ICA1: variants seen among roughly 807,000 people sequenced by gnomAD.
ICA1 encodes 69 kDa islet cell autoantigen.
A neutral mutation model predicts 71.0 loss-of-function variants in ICA1; 40 were observed. The observed-to-expected ratio is 0.56, with a 90% CI of 0.44 to 0.73. The LOEUF is 0.73. ICA1 is among the 30% of genes least tolerant of loss of function. The probability of loss-of-function intolerance (pLI) is 0.00; values close to 1 mark genes in which losing one functional copy is unlikely to be tolerated. For synonymous variants in ICA1, 207 were observed against 209.5 expected, an observed-to-expected ratio of 0.99 and a Z score of 0.10; for missense variants, 578 against 576.5, an observed-to-expected ratio of 1.00 and a Z score of -0.03.
At chr7:8,136,197 C>G (rs879352491) in intron 12 of ICA1, among the ~76,000 whole-genome samples, 1 of 152,072 alleles carries the variant, frequency 6.6e-6, no homozygotes, top group African/African-American at 2.4e-5. Flanking sequence ...GCTGTTGTCA[C>G]GAGCGGTCTG....
intron 13 of ICA1, among the ~76,000 whole-genome samples, chr7:8,120,465 A>C (rs894819661): frequency 6.6e-6 from 1 of 152,196 alleles, no homozygotes; most frequent in African/African-American, 2.4e-5. Context: ...TCAGGAAAAA[A>C]TGCTATGTAA....
At chr7:8,261,604 A>G (rs1022870975) in intron 1 of ICA1, among the ~76,000 whole-genome samples, 15 of 152,176 alleles carry the variant, frequency 9.9e-5, no homozygotes, top group African/African-American at 3.6e-4. Flanking sequence ...TGCCAAAAAA[A>G]GGGCCACGGA....
chr7:8,239,698 A>G (rs371939435), intron 1 of ICA1, among the ~76,000 whole-genome samples: 23 of 152,330 alleles, frequency 1.5e-4, no homozygotes, highest in African/African-American at 5.5e-4. Context: ...CCGCCCAAAT[A>G]CTGCACTTTT....
At chr7:8,138,440 T>C (rs1794132782) in intron 12 of ICA1, among the ~76,000 whole-genome samples, 1 of 152,238 alleles carries the variant, frequency 6.6e-6, no homozygotes, top group Admixed American at 6.5e-5. Flanking sequence ...AGGCCGTTGC[T>C]ATTGTTTCCA....
intron 8 of ICA1, among the ~76,000 whole-genome samples, chr7:8,152,665 C>CCATCTCCTTCAA: frequency 6.7e-6 from 1 of 148,492 alleles, no homozygotes; most frequent in South Asian, 2.2e-4. Context: ...ACCACCACCA[C>CCATCTCCTTCAA]CACCATTATC....
At chr7:8,129,312 T>A (rs567072148) in intron 12 of ICA1, among the ~76,000 whole-genome samples, 3 of 152,246 alleles carry the variant, frequency 2.0e-5, no homozygotes, top group Admixed American at 6.5e-5. Context: ...TATGGTCATA[T>A]TAAATGAGAT....
intron 6 of ICA1, among the ~76,000 whole-genome samples, chr7:8,162,016 A>G (rs2128208042): frequency 6.6e-6 from 1 of 152,336 alleles, no homozygotes; most frequent in Middle Eastern, 3.4e-3. Flanking sequence ...AATATAAGGT[A>G]TTCGTAAGGC....
intron 6 of ICA1, among the ~76,000 whole-genome samples, chr7:8,185,105 T>C (rs191822785): frequency 1.1e-4 from 17 of 148,334 alleles, no homozygotes; most frequent in Admixed American, 8.7e-4. Context: ...AAAAAGGAAA[T>C]GAGAGATAAA....
intron 6 of ICA1, among the ~76,000 whole-genome samples, chr7:8,200,449 A>T (rs1205316649): frequency 5.3e-5 from 8 of 151,106 alleles, no homozygotes; most frequent in African/African-American, 1.9e-4. Context: ...TTTATGCCAG[A>T]TTAAAGAAGT....
At chr7:8,258,771 TATAATACTAA>T (rs1811180195) in intron 1 of ICA1, among the ~76,000 whole-genome samples, 1 of 152,238 alleles carries the variant, frequency 6.6e-6, no homozygotes, top group Admixed American at 6.5e-5. Flanking sequence ...AATTTGATGC[TATAATACTAA>T]ATAGTAAATT....
At chr7:8,201,394 A>G (rs1032625063) in intron 6 of ICA1, among the ~76,000 whole-genome samples, 19 of 152,172 alleles carry the variant, frequency 1.2e-4, no homozygotes, top group African/African-American at 4.1e-4. Flanking sequence ...AAGAGAAAGG[A>G]AGGGACAAAT....
chr7:8,244,805 A>G (rs936456484), intron 1 of ICA1, among the ~76,000 whole-genome samples: 1 of 152,254 alleles, frequency 6.6e-6, no homozygotes, highest in Non-Finnish European at 1.5e-5. Flanking sequence ...GACACATGAA[A>G]AAATGCTCAT....
At chr7:8,208,691 T>G (rs993184749) in intron 6 of ICA1, among the ~76,000 whole-genome samples, 1 of 152,200 alleles carries the variant, frequency 6.6e-6, no homozygotes, top group African/African-American at 2.4e-5. Context: ...TAAATCATAC[T>G]ACCTGAACAT....
intron 6 of ICA1, among the ~76,000 whole-genome samples, chr7:8,189,969 A>G (rs190626962): frequency 3.2e-4 from 49 of 152,322 alleles, no homozygotes; most frequent in African/African-American, 1.1e-3. Flanking sequence ...TTTATTCGTA[A>G]TGAAGTAAGC....
At chr7:8,152,963 C>A (rs1800108769) in intron 8 of ICA1, among the ~76,000 whole-genome samples, 1 of 152,174 alleles carries the variant, frequency 6.6e-6, no homozygotes, top group African/African-American at 2.4e-5. Flanking sequence ...CTACCATCAT[C>A]TCCTCCATCA....
intron 1 of ICA1, among the ~76,000 whole-genome samples, chr7:8,257,134 C>A (rs1391932754): frequency 6.6e-6 from 1 of 152,158 alleles, no homozygotes. Flanking sequence ...CTGGGTTAGG[C>A]CCAAATCCAC....
At chr7:8,192,106 A>C (rs1159510381) in intron 6 of ICA1, among the ~76,000 whole-genome samples, 1 of 152,228 alleles carries the variant, frequency 6.6e-6, no homozygotes, top group Non-Finnish European at 1.5e-5. Flanking sequence ...ACTCTCTTAC[A>C]TAACCACAGT....
intron 1 of ICA1, among the ~76,000 whole-genome samples, chr7:8,240,048 T>C (rs1803245013): frequency 6.6e-6 from 1 of 152,130 alleles, no homozygotes; most frequent in Admixed American, 6.5e-5. Context: ...AGAGCAGTGG[T>C]TCTCCCAGCA....
In ICA1 at chr7:8,211,705, A is replaced by T. The variant is rs1583296780; in HGVS notation, c.579+6600T>A. Reference sequence around the variant, plus strand: ...TATGGTATGTGTTTCTTTTTACCACAATTAAAAAATTTTAAAACCTCACAC... The same window carrying T: ...TATGGTATGTGTTTCTTTTTACCACTATTAAAAAATTTTAAAACCTCACAC... On this transcript the variant is annotated intron_variant, in intron 6 of 13. Transcript: ENST00000402384. Among the ~76,000 whole-genome samples, 7 of 152,230 alleles carry T rather than the reference A, an allele frequency of 4.6e-5. 1 individual carries two copies. In the South Asian group the frequency reaches 1.4e-3, roughly 32 times the overall value.
Sources: gnomAD v4.1 joint callset for allele counts (sites outside exome capture counted in the v4.1 genomes callset) on GRCh38, gnomAD v4.1.1 for gene constraint, MANE v1.5 for transcripts, NCBI Gene and HGNC (gene_info 2026-07-23, HGNC 2026-07-21) for gene names.